The following PCDH9 variants were observed in gnomAD, a reference collection of about 807,000 sequenced individuals.
PCDH9 encodes protocadherin 9.
Under a neutral mutation model 70.6 loss-of-function variants are expected in PCDH9, and 24 were observed. That is an observed-to-expected ratio of 0.34 (90% CI 0.25 to 0.48). The LOEUF is 0.48. Among genes scored for constraint, PCDH9 ranks in the 20% least tolerant of loss-of-function variants. PCDH9 has a pLI of 0.99. For missense variants in PCDH9, 1,281 were observed against 1,503.6 expected (o/e 0.85, Z 2.45); for synonymous variants, 562 against 558.5 (o/e 1.01, Z -0.09).
intron 4 of PCDH9, among the ~76,000 whole-genome samples, chr13:66,518,110 T>C (rs1959826287): frequency 6.6e-6 from 1 of 152,020 alleles, no homozygotes; most frequent in South Asian, 2.1e-4. Context: ...TCTGGGGAGA[T>C]ATGGGGAGCT....
chr13:67,136,688 T>C (rs1040802337), intron 2 of PCDH9, among the ~76,000 whole-genome samples: 3 of 152,160 alleles, frequency 2.0e-5, no homozygotes, highest in Non-Finnish European at 4.4e-5. Flanking sequence ...TCTGAATCAA[T>C]CACTTGGATT....
intron 2 of PCDH9, among the ~76,000 whole-genome samples, chr13:67,041,469 T>C (rs186659679): frequency 1.8e-3 from 272 of 152,262 alleles, no homozygotes; most frequent in Middle Eastern, 0.017. Context: ...CCTGAAGCTG[T>C]AAAAATTTTA....
At chr13:66,541,054 C>T (rs1960933235) in intron 4 of PCDH9, among the ~76,000 whole-genome samples, 1 of 152,114 alleles carries the variant, frequency 6.6e-6, no homozygotes, top group Non-Finnish European at 1.5e-5. Flanking sequence ...TAGTAGAATT[C>T]AATTCAAGTC....
intron 3 of PCDH9, among the ~76,000 whole-genome samples, chr13:66,867,269 CT>C (rs2081593244): frequency 6.6e-6 from 1 of 152,064 alleles, no homozygotes; most frequent in African/African-American, 2.4e-5. Flanking sequence ...AGGCACATAT[CT>C]AAGGATTATT....
chr13:66,504,656 C>A (rs1959194561), intron 4 of PCDH9, among the ~76,000 whole-genome samples: 1 of 152,168 alleles, frequency 6.6e-6, no homozygotes, highest in Non-Finnish European at 1.5e-5. Context: ...TTTGCTTATC[C>A]TTGTATCTGC....
At chr13:67,082,586 C>T (rs1328121465) in intron 2 of PCDH9, among the ~76,000 whole-genome samples, 1 of 152,088 alleles carries the variant, frequency 6.6e-6, no homozygotes, top group African/African-American at 2.4e-5. Flanking sequence ...TAATTTAAGT[C>T]CTATACACTC....
intron 4 of PCDH9, among the ~76,000 whole-genome samples, chr13:66,378,538 C>G (rs1295188599): frequency 7.9e-5 from 12 of 152,116 alleles, no homozygotes; most frequent in Non-Finnish European, 1.8e-4. Context: ...AACCTGAAAA[C>G]CTGTTTTTAG....
intron 2 of PCDH9, among the ~76,000 whole-genome samples, chr13:66,941,496 G>T (rs2083006238): frequency 6.6e-6 from 1 of 151,732 alleles, no homozygotes; most frequent in East Asian, 1.9e-4. Context: ...TAACTAATAT[G>T]CTGTCTATAG....
intron 3 of PCDH9, among the ~76,000 whole-genome samples, chr13:66,784,100 T>C (rs1437583530): frequency 6.6e-6 from 1 of 152,126 alleles, no homozygotes; most frequent in Non-Finnish European, 1.5e-5. Flanking sequence ...ATCACAAATA[T>C]GTTGAGGATG....
At chr13:67,110,558 A>G (rs1784864047) in intron 2 of PCDH9, among the ~76,000 whole-genome samples, 1 of 151,930 alleles carries the variant, frequency 6.6e-6, no homozygotes, top group South Asian at 2.1e-4. Flanking sequence ...AAAAGACACA[A>G]CTACATAAGG....
chr13:67,092,701 CTA>C (rs552907845), intron 2 of PCDH9, among the ~76,000 whole-genome samples: 36 of 152,300 alleles, frequency 2.4e-4, no homozygotes, highest in African/African-American at 8.2e-4. Flanking sequence ...GATTTCTCCC[CTA>C]TGTTATTTCA....
intron 2 of PCDH9, among the ~76,000 whole-genome samples, chr13:67,146,732 C>A (rs762578656): frequency 2.6e-5 from 4 of 152,178 alleles, no homozygotes; most frequent in East Asian, 1.9e-4. Context: ...TTCTGAAGTG[C>A]TTTCAATGCT....
intron 2 of PCDH9, among the ~76,000 whole-genome samples, chr13:67,144,189 A>G (rs1166007671): frequency 6.6e-6 from 1 of 152,188 alleles, no homozygotes; most frequent in Non-Finnish European, 1.5e-5. Flanking sequence ...AATCTCCAAA[A>G]GAGGATTTTA....
chr13:66,403,293 G>A (rs567788885), intron 4 of PCDH9, among the ~76,000 whole-genome samples: 5 of 151,548 alleles, frequency 3.3e-5, no homozygotes, highest in Admixed American at 2.0e-4. Context: ...GCACCACCAT[G>A]CCTGGCTTTT....
intron 4 of PCDH9, among the ~76,000 whole-genome samples, chr13:66,446,135 T>C (rs1958085481): frequency 6.6e-6 from 1 of 152,058 alleles, no homozygotes; most frequent in Admixed American, 6.6e-5. Context: ...TGTGTATGTA[T>C]GTATTTGTGT....
intron 4 of PCDH9, among the ~76,000 whole-genome samples, chr13:66,436,155 G>A (rs207473945): frequency 1.3e-5 from 2 of 152,110 alleles, no homozygotes; most frequent in Non-Finnish European, 2.9e-5. Context: ...TGTTTGCTTT[G>A]TTGAAAGTTC....
At chr13:66,917,886 A>T (rs1461030157) in intron 2 of PCDH9, among the ~76,000 whole-genome samples, 1 of 151,320 alleles carries the variant, frequency 6.6e-6, no homozygotes, top group Non-Finnish European at 1.5e-5. Context: ...CATACAGGAC[A>T]TAATCACCTC....
intron 4 of PCDH9, among the ~76,000 whole-genome samples, chr13:66,501,269 T>G (rs1317877508): frequency 1.3e-5 from 2 of 152,250 alleles, no homozygotes; most frequent in Non-Finnish European, 2.9e-5. Context: ...TTTCTCCTTC[T>G]TGATTGTGAG....
At chr13:66,761,580 G>T (rs1211465735) in intron 3 of PCDH9, among the ~76,000 whole-genome samples, 1 of 151,536 alleles carries the variant, frequency 6.6e-6, no homozygotes, top group African/African-American at 2.4e-5. Context: ...TAAATAACTT[G>T]TCTTTGAGTT....
Sources: allele counts gnomAD v4.1 joint callset (sites outside exome capture counted in the v4.1 genomes callset), GRCh38; gene constraint gnomAD v4.1.1; transcripts MANE v1.5; gene names NCBI Gene and HGNC (gene_info 2026-07-23, HGNC 2026-07-21).